PDZD2: variants seen among roughly 807,000 people sequenced by gnomAD.
The protein encoded by PDZD2 is PDZ domain-containing protein 2.
A neutral mutation model predicts 220.7 loss-of-function variants in PDZD2; 90 were observed. The ratio of observed to expected loss-of-function variants is 0.41; its 90% CI spans 0.34 to 0.49. The LOEUF (loss-of-function observed/expected upper bound fraction) is 0.49, where lower values mean the gene tolerates loss of function less well. Ranked by LOEUF, PDZD2 falls within the 20% of genes least tolerant of loss-of-function variation. The probability of loss-of-function intolerance (pLI) is 0.28; values close to 1 mark genes in which losing one functional copy is unlikely to be tolerated. For synonymous variants in PDZD2, 1,375 were observed against 1,450.5 expected (o/e 0.95, Z 1.18); for missense variants, 3,174 against 3,608.5 (o/e 0.88, Z 3.08).
At chr5:31,723,913 C>T (rs1026143327) in intron 1 of PDZD2, among the ~76,000 whole-genome samples, 1 of 152,096 alleles carries the variant, frequency 6.6e-6, no homozygotes, top group Non-Finnish European at 1.5e-5. Context: ...CCACCGTGCC[C>T]AGCCCTCAAC....
chr5:32,028,152 T>C (rs1464975702), intron 6 of PDZD2, among the ~76,000 whole-genome samples: 1 of 152,140 alleles, frequency 6.6e-6, no homozygotes, highest in Non-Finnish European at 1.5e-5. Context: ...AGGAAACAGC[T>C]GGAGATAAAA....
chr5:31,938,350 G>T (rs1745935672), intron 2 of PDZD2, among the ~76,000 whole-genome samples: 1 of 152,208 alleles, frequency 6.6e-6, no homozygotes, highest in African/African-American at 2.4e-5. Context: ...CTGTATTGGT[G>T]CCATCGCCTC....
At chr5:32,003,710 T>G (rs1300996926) in intron 5 of PDZD2, among the ~76,000 whole-genome samples, 1 of 152,082 alleles carries the variant, frequency 6.6e-6, no homozygotes, top group Non-Finnish European at 1.5e-5. Flanking sequence ...TTTGTTTTTG[T>G]TTTTTGTTTT....
chr5:32,092,742 G>A (rs80108200), intron 20 of PDZD2, among the ~76,000 whole-genome samples, 165 bp from the exon 21 acceptor site: 2,989 of 152,240 alleles, frequency 0.02, 43 homozygotes, highest in Non-Finnish European at 0.033. Flanking sequence ...CAGCACTCAG[G>A]ATTTATTCTT....
intron 1 of PDZD2, among the ~76,000 whole-genome samples, chr5:31,711,883 G>C (rs1401377209): frequency 2.0e-5 from 3 of 152,198 alleles, no homozygotes; most frequent in Non-Finnish European, 4.4e-5. Context: ...GGGGGAGTTT[G>C]CCCTTTGTAT....
intron 2 of PDZD2, chr5:31,847,898 C>A: frequency 4.2e-6 from 2 of 477,952 alleles, no homozygotes; most frequent in South Asian, 3.3e-5. Context: ...CATGCGTTAC[C>A]TAATGGAAGA....
intron 5 of PDZD2, among the ~76,000 whole-genome samples, chr5:32,003,361 A>G (rs1581253115): frequency 1.9e-5 from 1 of 53,592 alleles, no homozygotes; most frequent in African/African-American, 6.6e-5. Flanking sequence ...CACACACCAC[A>G]CCACACACAC....
chr5:32,077,157 G>A (rs1486220135), intron 18 of PDZD2, among the ~76,000 whole-genome samples: 6 of 152,142 alleles, frequency 3.9e-5, no homozygotes, highest in African/African-American at 1.4e-4. Flanking sequence ...CCTTACATCT[G>A]TCTAGCCTTA....
At chr5:31,661,940 C>T (rs573544894) in intron 1 of PDZD2, among the ~76,000 whole-genome samples, 8 of 152,244 alleles carry the variant, frequency 5.3e-5, no homozygotes, top group African/African-American at 1.4e-4. Flanking sequence ...AGTCCAGACA[C>T]GTCATCCTGG....
intron 6 of PDZD2, among the ~76,000 whole-genome samples, chr5:32,031,634 G>T (rs1755127225): frequency 1.3e-5 from 2 of 152,230 alleles, no homozygotes; most frequent in South Asian, 4.1e-4. Context: ...GTATATCTCT[G>T]CAGTCTAGAG....
At chr5:31,785,625 G>C (rs1343778765) in intron 1 of PDZD2, among the ~76,000 whole-genome samples, 1 of 151,796 alleles carries the variant, frequency 6.6e-6, no homozygotes, top group African/African-American at 2.4e-5. Context: ...ATCTTTTCTA[G>C]ACACAGGGTC....
intron 1 of PDZD2, among the ~76,000 whole-genome samples, chr5:31,775,652 G>A (rs1752596708): frequency 6.9e-6 from 1 of 144,948 alleles, no homozygotes; most frequent in African/African-American, 2.6e-5. Flanking sequence ...GTGGAGAGCT[G>A]CACTCACAGA....
intron 1 of PDZD2, among the ~76,000 whole-genome samples, chr5:31,649,065 A>T (rs1580514250): frequency 6.6e-6 from 1 of 151,594 alleles, no homozygotes; most frequent in African/African-American, 2.4e-5. Flanking sequence ...TTTTTAAGAG[A>T]TGGGGTCTCA....
At chr5:32,057,803 TG>T in intron 11 of PDZD2, 74 bp from the exon 12 acceptor site, 3 of 1,397,034 alleles carry the variant, frequency 2.1e-6, no homozygotes, top group Non-Finnish European at 3.0e-6. Context: ...TTTGGTGAGT[TG>T]TTTTTTTTTT....
intron 24 of PDZD2, among the ~76,000 whole-genome samples, chr5:32,102,652 TCA>T (rs1744363032): frequency 6.6e-6 from 1 of 151,884 alleles, no homozygotes; most frequent in South Asian, 2.1e-4. Context: ...CAGAAAGCTC[TCA>T]GACGAAGGGT....
At chr5:31,841,748 C>T (rs1045302605) in intron 2 of PDZD2, among the ~76,000 whole-genome samples, 2 of 149,560 alleles carry the variant, frequency 1.3e-5, no homozygotes, top group African/African-American at 2.5e-5. Flanking sequence ...TGAGGCAGGC[C>T]GATCATGAGG....
chr5:31,837,160 C>G (rs1303861650), intron 2 of PDZD2, among the ~76,000 whole-genome samples: 5 of 152,154 alleles, frequency 3.3e-5, no homozygotes, highest in Non-Finnish European at 5.9e-5. Flanking sequence ...ATATTGAATT[C>G]TCAATGAGAA....
In PDZD2 at chr5:31,944,195, CTT is replaced by C. The variant is rs1488572966; in HGVS notation, c.477-38958_477-38957del. The stretch of plus-strand genomic sequence containing the variant: ...TACATTTAAAATATAATTTTTGAAA[CTT>C]TACCAGGTAGCCAGAGAGTCTATGG... On this transcript the variant is annotated intron_variant, in intron 2 of 24. Coordinates refer to ENST00000438447, the MANE Select transcript of PDZD2 (RefSeq NM_178140.4). 2.6e-5 allele frequency among the ~76,000 whole-genome samples: 4 copies of C among 152,094 alleles called. No homozygotes were observed. In the East Asian group the frequency reaches 7.7e-4, roughly 29 times the overall value.
At chr5:31,814,444 A>G (rs932095043) in intron 2 of PDZD2, among the ~76,000 whole-genome samples, 2 of 152,220 alleles carry the variant, frequency 1.3e-5, no homozygotes, top group African/African-American at 4.8e-5. Flanking sequence ...AGCAGACACC[A>G]ATCAACTTGG....
Sources: gnomAD v4.1 joint callset for allele counts (sites outside exome capture counted in the v4.1 genomes callset) on GRCh38, gnomAD v4.1.1 for gene constraint, MANE v1.5 for transcripts, NCBI Gene and HGNC (gene_info 2026-07-23, HGNC 2026-07-21) for gene names.